Variants in ANO10 observed in about 807,000 individuals in gnomAD.
The protein encoded by ANO10 is anoctamin-10.
A neutral mutation model predicts 74.7 loss-of-function variants in ANO10; 77 were observed. That is an observed-to-expected ratio of 1.03 (90% CI 0.86 to 1.25). ANO10 has a LOEUF of 1.25. Among genes scored for constraint, ANO10 ranks in the 50% most tolerant of loss-of-function variants. The probability of loss-of-function intolerance (pLI) is 0.00; values close to 1 mark genes in which losing one functional copy is unlikely to be tolerated. For missense variants in ANO10, 721 were observed against 778.1 expected (o/e 0.93, Z 0.87); for synonymous variants, 279 against 284.9 (o/e 0.98, Z 0.21).
At chr3:43,594,918 T>C (rs2081999927) in intron 4 of ANO10, among the ~76,000 whole-genome samples, 2 of 152,068 alleles carry the variant, frequency 1.3e-5, no homozygotes, top group African/African-American at 2.4e-5. Flanking sequence ...CAATAAAAAA[T>C]GATAAAGGGG....
intron 12 of ANO10, among the ~76,000 whole-genome samples, chr3:43,424,321 A>G (rs958904265): frequency 1.3e-5 from 2 of 152,218 alleles, no homozygotes; most frequent in East Asian, 3.9e-4. Context: ...AGGCCGAACT[A>G]ACTTTGGAAG....
intron 11 of ANO10, among the ~76,000 whole-genome samples, chr3:43,475,436 C>T (rs986250877): frequency 2.0e-5 from 3 of 152,072 alleles, no homozygotes; most frequent in African/African-American, 7.2e-5. Context: ...ATATATTTAA[C>T]TTGACTGAAT....
At chr3:43,584,821 G>A (rs889511625) in intron 4 of ANO10, among the ~76,000 whole-genome samples, 3 of 152,062 alleles carry the variant, frequency 2.0e-5, no homozygotes, top group Non-Finnish European at 2.9e-5. Context: ...CTTTACACGC[G>A]TGTGTAAAAT....
chr3:43,571,258 A>G (rs1381209816), intron 7 of ANO10, among the ~76,000 whole-genome samples: 1 of 152,118 alleles, frequency 6.6e-6, no homozygotes, highest in Non-Finnish European at 1.5e-5. Flanking sequence ...TAGTTCAACC[A>G]TTGTGGAAGT....
chr3:43,601,849 G>A (rs75219404), intron 2 of ANO10, among the ~76,000 whole-genome samples: 2,981 of 151,970 alleles, frequency 0.02, 113 homozygotes, highest in African/African-American at 0.069. Flanking sequence ...CGTGGTAGCC[G>A]TGAAGGTACC....
intron 4 of ANO10, among the ~76,000 whole-genome samples, chr3:43,593,721 G>C (rs1042563701): frequency 6.6e-6 from 1 of 152,160 alleles, no homozygotes; most frequent in Non-Finnish European, 1.5e-5. Context: ...AAACTAACCA[G>C]CTAACATCAT....
chr3:43,593,564 G>C (rs1000775655), intron 4 of ANO10, among the ~76,000 whole-genome samples: 1 of 152,226 alleles, frequency 6.6e-6, no homozygotes, highest in Non-Finnish European at 1.5e-5. Flanking sequence ...AATGCTGAAA[G>C]ATTTTGTCAC....
rs563842100 is a variant in ANO10 at position 43,652,611 on chromosome 3, C to T, written c.-12+38906G>A. Among the ~76,000 whole-genome samples the T allele has an allele frequency of 3.9e-5, 6 of 152,122 alleles. 1 individual carries two copies. The South Asian group carries it at 1.2e-3, about 32-fold the overall frequency. ...TAACTCCATAAATAAAACTAAACCA[C>T]TGGATAGTACACCTTAAGTGGGTGG... On this transcript the variant is annotated intron_variant, in intron 1 of 3. Coordinates refer to the ANO10 transcript ENST00000413397.
intron 6 of ANO10, among the ~76,000 whole-genome samples, chr3:43,575,122 T>C (rs2080933449): frequency 1.3e-5 from 2 of 152,126 alleles, no homozygotes; most frequent in South Asian, 4.2e-4. Flanking sequence ...TGGGAAGTGC[T>C]GGCAAACAAT....
chr3:43,366,766 A>G lies in ANO10; in HGVS notation c.*140T>C, dbSNP rs1351068112. 2 of 856,744 alleles carry G rather than the reference A, an allele frequency of 2.3e-6. No homozygotes were observed. Among genetic ancestry groups the G allele is most frequent in the East Asian group, 2.6e-5 (1 of 37,804 alleles). The allele number at this position is 856,744 out of a possible 1,614,324, so 53.1% of individuals were successfully genotyped here. A position where few individuals can be genotyped will look rare whatever the true frequency, so the allele number is the denominator to read the frequency against. On this transcript the variant is annotated 3_prime_UTR_variant, in exon 13 of 13. Coordinates refer to ENST00000292246, the MANE Select transcript of ANO10 (RefSeq NM_018075.5). ...CGAAACTGAGAAGGGTGCTTGCCAC[A>G]TGGGAGCCACTTCGTTTGGCTAAGC...
At chr3:43,377,013 G>T (rs562389067) in intron 12 of ANO10, among the ~76,000 whole-genome samples, 347 of 152,356 alleles carry the variant, frequency 2.3e-3, no homozygotes, top group Non-Finnish European at 3.7e-3. Context: ...ATGACCAAGA[G>T]CATCTGGTCT....
chr3:43,564,017 T>C (rs765951716), intron 8 of ANO10, among the ~76,000 whole-genome samples: 3 of 152,166 alleles, frequency 2.0e-5, no homozygotes, highest in East Asian at 1.9e-4. Flanking sequence ...CTCGAGATGA[T>C]AGATACTCTA....
At chr3:43,648,562 C>T (rs2083750995) in intron 1 of ANO10, among the ~76,000 whole-genome samples, 1 of 151,936 alleles carries the variant, frequency 6.6e-6, no homozygotes, top group Admixed American at 6.6e-5. Flanking sequence ...AATTTCTTGA[C>T]ATTGCCATGG....
chr3:43,505,398 G>T (rs2077256697), intron 11 of ANO10, among the ~76,000 whole-genome samples: 1 of 152,118 alleles, frequency 6.6e-6, no homozygotes. Flanking sequence ...CTATAGGCTG[G>T]ATTCCCCCAA....
At chr3:43,372,380 G>C (rs2091645006) in intron 12 of ANO10, among the ~76,000 whole-genome samples, 1 of 152,196 alleles carries the variant, frequency 6.6e-6, no homozygotes, top group Admixed American at 6.5e-5. Context: ...AGCCCAAGCA[G>C]GGTTTTAAAC....
chr3:43,617,077 C>G, intron 1 of ANO10, among the ~76,000 whole-genome samples: 1 of 150,526 alleles, frequency 6.6e-6, no homozygotes, highest in East Asian at 1.9e-4. Flanking sequence ...AACAAGAAGC[C>G]TCATGGCAGC....
intron 11 of ANO10, among the ~76,000 whole-genome samples, chr3:43,546,791 T>C (rs1361446919): frequency 1.3e-5 from 2 of 152,072 alleles, no homozygotes; most frequent in Non-Finnish European, 2.9e-5. Context: ...AACAGGGCCT[T>C]AGGGACCTGT....
Position 43,686,887 on chromosome 3 carries a change from TTAGAAA to T in ANO10, c.-12+4624_-12+4629del, listed in dbSNP as rs1338520058. Among the ~76,000 whole-genome samples the T allele has an allele frequency of 2.6e-5, 4 of 152,050 alleles. No individual in the cohort carries two copies. In the East Asian group the frequency reaches 7.7e-4, roughly 29 times the overall value. ...GAACACAGGCATAACTAGGAGCTAGTTAGAAATAGAGATCTCAGGTTCTACCTCAGA... is the reference window on the plus strand; with the variant it reads ...GAACACAGGCATAACTAGGAGCTAGTTAGAGATCTCAGGTTCTACCTCAGA... On this transcript the variant is annotated intron_variant, in intron 1 of 3. Transcript: ENST00000413397.
intron 1 of ANO10, among the ~76,000 whole-genome samples, chr3:43,618,968 A>T (rs1032648896): frequency 2.0e-5 from 3 of 151,338 alleles, no homozygotes; most frequent in Non-Finnish European, 4.4e-5. Flanking sequence ...TGCTCGGCTA[A>T]TTTTTTTTTG....
Sources: gnomAD v4.1 joint callset for allele counts (sites outside exome capture counted in the v4.1 genomes callset) on GRCh38, gnomAD v4.1.1 for gene constraint, MANE v1.5 for transcripts, NCBI Gene and HGNC (gene_info 2026-07-23, HGNC 2026-07-21) for gene names.